NRXN1: variants seen among roughly 807,000 people sequenced by gnomAD.
The protein encoded by NRXN1 is neurexin-1.
NRXN1 carries 39 observed loss-of-function variants against 150.9 expected under a neutral mutation model. That is an observed-to-expected ratio of 0.26 (90% confidence interval 0.20 to 0.34). The LOEUF is 0.34. Among genes scored for constraint, NRXN1 ranks in the 10% least tolerant of loss-of-function variants. NRXN1 has a pLI of 1.00. For synonymous variants in NRXN1, 924 were observed against 757.0 expected (o/e 1.22, Z -3.62); for missense variants, 1,815 against 1,949.9 (o/e 0.93, Z 1.30).
At chr2:50,830,231 A>G (rs1262139381) in intron 5 of NRXN1, among the ~76,000 whole-genome samples, 1 of 152,042 alleles carries the variant, frequency 6.6e-6, no homozygotes, top group Non-Finnish European at 1.5e-5. Context: ...AGGCAGGTAA[A>G]AGGAATTGAA....
chr2:50,025,709 A>T (rs1156315927), intron 21 of NRXN1, among the ~76,000 whole-genome samples: 1 of 152,216 alleles, frequency 6.6e-6, no homozygotes, highest in Non-Finnish European at 1.5e-5. Flanking sequence ...TGTTGCATGC[A>T]TCATCTGTCA....
intron 5 of NRXN1, among the ~76,000 whole-genome samples, chr2:50,655,324 T>C (rs1278556093): frequency 6.6e-6 from 1 of 152,040 alleles, no homozygotes; most frequent in Non-Finnish European, 1.5e-5. Context: ...TAAAACATTT[T>C]TGCCTGCCCT....
chr2:50,905,416 G>T (rs1435743737), intron 5 of NRXN1, among the ~76,000 whole-genome samples: 1 of 152,072 alleles, frequency 6.6e-6, no homozygotes, highest in South Asian at 2.1e-4. Context: ...AGAGAGCCTA[G>T]GGAAAATTTG....
intron 5 of NRXN1, chr2:50,829,340 G>T: frequency 1.3e-6 from 1 of 741,722 alleles, no homozygotes; most frequent in Non-Finnish European, 2.3e-6. Flanking sequence ...ATGTTGATCA[G>T]GACAGTCAAA....
intron 6 of NRXN1, among the ~76,000 whole-genome samples, chr2:50,622,188 G>A (rs542652051): frequency 1.3e-5 from 2 of 152,146 alleles, no homozygotes; most frequent in African/African-American, 4.8e-5. Flanking sequence ...GATCTGGAAG[G>A]TCTGGGGTTC....
At chr2:50,368,323 A>G (rs569604916) in intron 17 of NRXN1, among the ~76,000 whole-genome samples, 1 of 152,046 alleles carries the variant, frequency 6.6e-6, no homozygotes, top group South Asian at 2.1e-4. Flanking sequence ...ACAAGCATAA[A>G]TGAAAAAAAA....
chr2:50,123,673 C>T (rs76885810), intron 18 of NRXN1, among the ~76,000 whole-genome samples: 15,827 of 152,082 alleles, frequency 0.1, 965 homozygotes, highest in Middle Eastern at 0.19. Context: ...AGTGATTAAA[C>T]TTTATTGAAT....
At chr2:49,990,359 G>T (rs112717473) in intron 21 of NRXN1, among the ~76,000 whole-genome samples, 17 of 152,162 alleles carry the variant, frequency 1.1e-4, no homozygotes, top group Non-Finnish European at 2.1e-4. Context: ...AAGGAAGGAG[G>T]GAGAGCCAGG....
intron 15 of NRXN1, 84 bp from the exon 16 acceptor site, chr2:50,472,555 GT>G: frequency 9.4e-7 from 1 of 1,062,184 alleles, no homozygotes; most frequent in Non-Finnish European, 1.3e-6. Context: ...AAACAGGGAG[GT>G]TTATTTTTCA....
chr2:50,613,699 G>A (rs1035223537), intron 8 of NRXN1, among the ~76,000 whole-genome samples: 8 of 152,164 alleles, frequency 5.3e-5, no homozygotes, highest in Non-Finnish European at 8.8e-5. Context: ...AGCACTTTGG[G>A]AGGCCCAGGT....
intron 5 of NRXN1, among the ~76,000 whole-genome samples, chr2:50,861,671 T>A (rs1387854664): frequency 6.6e-6 from 1 of 152,034 alleles, no homozygotes; most frequent in Non-Finnish European, 1.5e-5. Context: ...AAACAAGCCA[T>A]TACAAAGTGG....
chr2:49,935,021 C>T (rs1438091340), intron 22 of NRXN1, among the ~76,000 whole-genome samples: 2 of 152,086 alleles, frequency 1.3e-5, no homozygotes, highest in African/African-American at 4.8e-5. Context: ...ATTTCCCTTT[C>T]TTGTTTGGGG....
intron 19 of NRXN1, among the ~76,000 whole-genome samples, chr2:50,059,834 A>C (rs543855763): frequency 1.7e-4 from 26 of 152,310 alleles, no homozygotes; most frequent in Admixed American, 6.5e-4. Flanking sequence ...GGTGCAAAGA[A>C]GTCAAGTATT....
chr2:50,134,788 T>G (rs1395794528), intron 18 of NRXN1, among the ~76,000 whole-genome samples: 1 of 152,176 alleles, frequency 6.6e-6, no homozygotes, highest in African/African-American at 2.4e-5. Flanking sequence ...AGTCGCAGGT[T>G]GTACATTTTG....
At chr2:50,395,635 T>C (rs2082006047) in intron 17 of NRXN1, among the ~76,000 whole-genome samples, 1 of 152,130 alleles carries the variant, frequency 6.6e-6, no homozygotes, top group African/African-American at 2.4e-5. Context: ...TGAATCACAA[T>C]AACTATTGTT....
Position 50,017,672 on chromosome 2 carries a change from T to C in NRXN1, c.4128+35599A>G, listed in dbSNP as rs796938207. Among the ~76,000 whole-genome samples the C allele has an allele frequency of 1.4e-3, 218 of 152,064 alleles. 1 individual carries two copies. Among genetic ancestry groups the C allele is most frequent in the Non-Finnish European group, 1.6e-3 (111 of 67,980 alleles). ...AAAAAAACACAGCCTTTTTTTTTTT[T>C]TTTTTGGATTTACATTACGCGAACC... is the stretch of plus-strand genomic sequence containing the variant. On this transcript the variant is annotated intron_variant, in intron 21 of 22. Coordinates refer to ENST00000401669, the MANE Select transcript of NRXN1 (RefSeq NM_001330078.2).
intron 17 of NRXN1, among the ~76,000 whole-genome samples, chr2:50,294,701 C>T (rs11900630): frequency 0.038 from 5,846 of 152,226 alleles, 159 homozygotes; most frequent in African/African-American, 0.073. Context: ...GAGGTACATC[C>T]TGCCTTGTTG....
chr2:50,877,255 GTTTAT>G (rs1678740997), intron 5 of NRXN1, among the ~76,000 whole-genome samples: 2 of 151,546 alleles, frequency 1.3e-5, no homozygotes, highest in African/African-American at 4.8e-5. Context: ...ACAGTTTGCA[GTTTAT>G]TTTTTCTATT....
chr2:50,509,910 G>A (rs562918356), intron 12 of NRXN1, among the ~76,000 whole-genome samples: 1 of 152,218 alleles, frequency 6.6e-6, no homozygotes, highest in Admixed American at 6.5e-5. Flanking sequence ...GTTTAGATAA[G>A]GGTGGAGTCC....
Sources: allele counts gnomAD v4.1 joint callset (sites outside exome capture counted in the v4.1 genomes callset), GRCh38; gene constraint gnomAD v4.1.1; transcripts MANE v1.5; gene names NCBI Gene and HGNC (gene_info 2026-07-23, HGNC 2026-07-21).